Variants in RNF149 observed in about 807,000 individuals in gnomAD.
RNF149 encodes E3 ubiquitin-protein ligase RNF149.
In RNF149, 21 loss-of-function variants were observed where a neutral mutation model predicts 39.0. That is an observed-to-expected ratio of 0.54 (90% CI 0.38 to 0.77). RNF149 has a LOEUF of 0.77. RNF149 is among the 30% of genes least tolerant of loss of function. The pLI is 0.00. For synonymous variants in RNF149, 209 were observed against 213.6 expected, an observed-to-expected ratio of 0.98 and a Z score of 0.19; for missense variants, 493 against 534.9, an observed-to-expected ratio of 0.92 and a Z score of 0.77.
downstream of RNF149, among the ~76,000 whole-genome samples, chr2:101,274,479 G>A (rs182771061): frequency 6.6e-6 from 1 of 152,330 alleles, no homozygotes; most frequent in East Asian, 1.9e-4. Context: ...CCAGTGCTCA[G>A]AGCATGGAAA....
intron 5 of RNF149, 99 bp downstream of exon 5, chr2:101,285,982 A>G: frequency 1.5e-6 from 1 of 687,756 alleles, no homozygotes; most frequent in East Asian, 2.6e-5. Context: ...GGATATTAGG[A>G]GCATTTCACC....
chr2:101,278,210 A>ATCAT (rs1410813811), intron 6 of RNF149, among the ~76,000 whole-genome samples: 4 of 152,098 alleles, frequency 2.6e-5, no homozygotes, highest in Non-Finnish European at 5.9e-5. Flanking sequence ...CAGTGACATG[A>ATCAT]TCATGGTCAC....
At chr2:101,296,574 G>A (rs1683242833) in intron 1 of RNF149, among the ~76,000 whole-genome samples, 1 of 152,166 alleles carries the variant, frequency 6.6e-6, no homozygotes, top group South Asian at 2.1e-4. Context: ...AAAGAATTTA[G>A]TGCATAAAAG....
chr2:101,279,200 A>G (rs1056879907), intron 6 of RNF149, among the ~76,000 whole-genome samples: 3 of 152,208 alleles, frequency 2.0e-5, no homozygotes, highest in African/African-American at 7.2e-5. Context: ...GGGTGGGGAC[A>G]CTGGGGAAAC....
intron 1 of RNF149, 169 bp downstream of exon 1, chr2:101,307,960 C>A (rs569201865): frequency 2.0e-6 from 2 of 985,454 alleles, no homozygotes; most frequent in Admixed American, 1.2e-4. Context: ...CAACAGCGAT[C>A]GGGGAGCCGC....
chr2:101,273,696 T>C (rs1682225769), downstream of RNF149, among the ~76,000 whole-genome samples: 1 of 151,938 alleles, frequency 6.6e-6, no homozygotes, highest in Non-Finnish European at 1.5e-5. Context: ...TAGTCTTGAA[T>C]TCCTGGGCTC....
chr2:101,305,678 CACAG>C (rs1220161456), intron 1 of RNF149, among the ~76,000 whole-genome samples: 3 of 152,098 alleles, frequency 2.0e-5, no homozygotes, highest in Non-Finnish European at 4.4e-5. Flanking sequence ...CCCCAACACA[CACAG>C]ACACATACAT....
chr2:101,287,393 T>C (rs1343102886), intron 4 of RNF149, among the ~76,000 whole-genome samples: 1 of 152,202 alleles, frequency 6.6e-6, no homozygotes, highest in Non-Finnish European at 1.5e-5. Context: ...GTTGGTTTTA[T>C]TGGGAAATTT....
rs889498757 is a variant in RNF149, at chr2:101,275,896, T to G, written c.*1342A>C. 5.1e-6 allele frequency: 5 copies of G among 985,284 alleles called. No individual in the cohort carries two copies. In the South Asian group the frequency reaches 2.3e-4, roughly 46 times the overall value. The allele number at this position is 985,284 out of a possible 1,614,324, so 61.0% of individuals were successfully genotyped here. A position where few individuals can be genotyped will look rare whatever the true frequency, so the allele number is the denominator to read the frequency against. On this transcript the variant is annotated 3_prime_UTR_variant, in exon 7 of 7. Coordinates refer to ENST00000295317, the MANE Select transcript of RNF149 (RefSeq NM_173647.4). ...GTTGTCTGCTAAAACCAACTCAGTG[T>G]GCAAAGCGAAATACATTTTCTACTT...
At position 101,294,090 on chromosome 2, in the gene RNF149, A is replaced by G; in HGVS notation, c.712-8T>C. On this transcript the variant is annotated splice_polypyrimidine_tract_variant and splice_region_variant and intron_variant, in intron 2 of 6. Coordinates refer to ENST00000295317, the MANE Select transcript of RNF149 (RefSeq NM_173647.4). The stretch of plus-strand genomic sequence containing the variant: ...AGTTTCTTTTCTATGGCTCTTGGGT[A>G]GGAAAATATTAATACAGTTATTGAA... The G allele has an allele frequency of 1.4e-6, 2 of 1,474,614 alleles. No homozygotes were observed. Among genetic ancestry groups the G allele is most frequent in the Non-Finnish European group, 1.9e-6 (2 of 1,058,114 alleles). 91.3% of individuals were successfully genotyped at this position (1,474,614 alleles called of 1,614,324 possible).
intron 6 of RNF149, among the ~76,000 whole-genome samples, chr2:101,278,072 G>C (rs1310578759): frequency 6.6e-6 from 1 of 152,124 alleles, no homozygotes; most frequent in African/African-American, 2.4e-5. Context: ...CACACAAAAG[G>C]CTCTTAGAAT....
At chr2:101,296,980 G>A (rs796502390) in intron 1 of RNF149, among the ~76,000 whole-genome samples, 20 of 152,250 alleles carry the variant, frequency 1.3e-4, no homozygotes, top group South Asian at 2.1e-4. Context: ...AGGCTGAGGC[G>A]GGCGGATCAC....
downstream of RNF149, chr2:101,273,242 T>C (rs967517271): frequency 6.9e-6 from 5 of 721,582 alleles, no homozygotes; most frequent in African/African-American, 9.2e-5. Context: ...GGCAGGGGGC[T>C]GCGGAGAGCA....
Position 101,276,181 on chromosome 2 carries a change from A to G in RNF149, c.*1057T>C. Reference sequence around the variant, plus strand: ...AGACTATAATTCCACACTCTAAAAAATAACTGCCTCATACTCGACTTCTAC... The same window carrying G: ...AGACTATAATTCCACACTCTAAAAAGTAACTGCCTCATACTCGACTTCTAC... On this transcript the variant is annotated 3_prime_UTR_variant, in exon 7 of 7. Coordinates refer to ENST00000295317, the MANE Select transcript of RNF149 (RefSeq NM_173647.4). 1.0e-6 allele frequency: 1 copy of G among 982,502 alleles called. No individual in the cohort carries two copies. The highest frequency in any genetic ancestry group is 1.2e-6 in the Non-Finnish European group (1 of 827,280). 60.9% of individuals were successfully genotyped at this position (982,502 alleles called of 1,614,324 possible).
intron 2 of RNF149, chr2:101,294,319 C>A: frequency 2.7e-6 from 1 of 372,244 alleles, no homozygotes. Flanking sequence ...TGCAGAACAG[C>A]CATATGTAAC....
chr2:101,278,716 T>C (rs1427869146), intron 6 of RNF149, among the ~76,000 whole-genome samples: 6 of 152,242 alleles, frequency 3.9e-5, no homozygotes, highest in Admixed American at 1.3e-4. Context: ...TCAAGAATAC[T>C]ATACACTGTT....
intron 1 of RNF149, among the ~76,000 whole-genome samples, chr2:101,299,705 A>G (rs895172228): frequency 2.6e-5 from 4 of 152,220 alleles, no homozygotes; most frequent in Admixed American, 6.5e-5. Context: ...AGTTGAATCA[A>G]TTTCTGGTAC....
In RNF149 at chr2:101,281,886, C is replaced by G; in HGVS notation, c.1132G>C (p.Asp378His). Reference sequence around the variant, plus strand: ...AGCAATGCCGTATTTTCTCCTGCATCTCCTTTAAAGCTGGGATCACACTGT... The same window carrying G: ...AGCAATGCCGTATTTTCTCCTGCATGTCCTTTAAAGCTGGGATCACACTGT... Reference protein sequence around the residue: ...EPQCDPSFKGDAGENTALLEA... With the variant: ...EPQCDPSFKGHAGENTALLEA... The change falls in exon 6 of 7, where the codon GAT (aspartate) becomes CAT (histidine). Residue 378 changes from aspartate to histidine, a missense_variant. By Grantham distance (81) the Asp-to-His change is moderately conservative. Coordinates refer to ENST00000295317, the MANE Select transcript of RNF149 (RefSeq NM_173647.4). 1.2e-6 allele frequency: 2 copies of G among 1,614,094 alleles called. No individual in the cohort carries two copies. Among genetic ancestry groups the G allele is most frequent in the Non-Finnish European group, 1.7e-6 (2 of 1,180,014 alleles).
At chr2:101,291,931 G>A (rs566087577) in intron 3 of RNF149, among the ~76,000 whole-genome samples, 1 of 152,318 alleles carries the variant, frequency 6.6e-6, no homozygotes, top group South Asian at 2.1e-4. Context: ...TGAATCCACT[G>A]TAAGTTGAAA....
Sources: allele counts gnomAD v4.1 joint callset (sites outside exome capture counted in the v4.1 genomes callset), GRCh38; gene constraint gnomAD v4.1.1; transcripts MANE v1.5; gene names NCBI Gene and HGNC (gene_info 2026-07-23, HGNC 2026-07-21).